Variants in OTOP1 observed in about 807,000 individuals in gnomAD.
OTOP1 encodes the protein otopetrin 1, also known as proton channel OTOP1.
Under a neutral mutation model 52.9 loss-of-function variants are expected in OTOP1, and 59 were observed. The observed-to-expected ratio is 1.12, with a 90% CI of 0.91 to 1.39. The LOEUF (loss-of-function observed/expected upper bound fraction) is 1.39. OTOP1 is among the 40% of genes most tolerant of loss of function. The probability of loss-of-function intolerance (pLI) is 0.00; values close to 1 mark genes in which losing one functional copy is unlikely to be tolerated. For synonymous variants in OTOP1, 317 were observed against 337.7 expected (o/e 0.94, Z 0.67); for missense variants, 761 against 800.9 (o/e 0.95, Z 0.60).
At position 4,213,015 on chromosome 4, in the gene OTOP1, G is replaced by T; in HGVS notation, c.404-11C>A. ...ACAATGTGATACTACCTAAATGTGGGATGAAGGGGGAAGTGGAAACACACA... is the reference window on the plus strand; with the variant it reads ...ACAATGTGATACTACCTAAATGTGGTATGAAGGGGGAAGTGGAAACACACA... On this transcript the variant is annotated splice_polypyrimidine_tract_variant and intron_variant, in intron 1 of 5. Transcript: ENST00000296358. 2.5e-6 allele frequency: 4 copies of T among 1,612,472 alleles called. No individual in the cohort carries two copies. Among genetic ancestry groups the T allele is most frequent in the Middle Eastern group, 1.7e-4 (1 of 6,056 alleles).
chr4:4,220,822 C>G (rs1366768903), intron 1 of OTOP1, among the ~76,000 whole-genome samples: 1 of 152,028 alleles, frequency 6.6e-6, no homozygotes, highest in Non-Finnish European at 1.5e-5. Context: ...GCACCCAAAT[C>G]CCTCCTAGGA....
chr4:4,212,529 C>T (rs529419753), intron 2 of OTOP1, among the ~76,000 whole-genome samples: 12 of 152,272 alleles, frequency 7.9e-5, no homozygotes, highest in South Asian at 6.2e-4. Flanking sequence ...GTGAATTATA[C>T]GCCACGTGAA....
Position 4,188,804 on chromosome 4 carries a change from T to C in OTOP1, c.1838A>G (p.Ter613TrpextTer11). ...TCCTAGGTCTCTTGTGGACCCAGAC[T>C]ATATCTTACAATAGACCTCAAAGAG... ...ASLFEVYCKI[*>W] Residue 613 changes from the stop codon to tryptophan, a stop_lost, in exon 6 of 6, where the codon TAG (stop) becomes TGG (tryptophan). Transcript: ENST00000296358. The C allele has an allele frequency of 1.2e-6, 2 of 1,611,700 alleles. No individual in the cohort carries two copies. The highest frequency in any genetic ancestry group is 1.7e-6 in the Non-Finnish European group (2 of 1,178,764).
intron 1 of OTOP1, among the ~76,000 whole-genome samples, chr4:4,217,080 C>G (rs944962560): frequency 1.3e-5 from 2 of 152,198 alleles, no homozygotes; most frequent in African/African-American, 2.4e-5. Context: ...CTGTGGTTGA[C>G]TTGTCAAGGG....
intron 5 of OTOP1, among the ~76,000 whole-genome samples, chr4:4,195,409 G>C (rs1412411965): frequency 6.6e-6 from 1 of 152,214 alleles, no homozygotes; most frequent in Non-Finnish European, 1.5e-5. Context: ...CCATCAGAGA[G>C]GCTGGAAAGC....
Position 4,206,134 on chromosome 4 carries a change from G to C in OTOP1, c.541-4C>G, listed in dbSNP as rs1433701796. The C allele has an allele frequency of 1.3e-6, 2 of 1,597,876 alleles. No homozygotes were observed. The highest frequency in any genetic ancestry group is 1.3e-5 in the African/African-American group (1 of 74,456). On this transcript the variant is annotated splice_region_variant and splice_polypyrimidine_tract_variant and intron_variant, in intron 2 of 5. Coordinates refer to ENST00000296358, the MANE Select transcript of OTOP1 (RefSeq NM_177998.3). ...CATGCCCCCAAAGAAAATATACCTA[G>C]ATGGAAATAAAGAAAGAAAAGAAAA...
At chr4:4,223,930 A>G (rs976566579) in intron 1 of OTOP1, among the ~76,000 whole-genome samples, 6 of 151,564 alleles carry the variant, frequency 4.0e-5, no homozygotes, top group African/African-American at 1.5e-4. Flanking sequence ...GGAGAGAGGA[A>G]GAGAGGAAGG....
intron 1 of OTOP1, among the ~76,000 whole-genome samples, chr4:4,220,098 TATATA>T (rs1321398155): frequency 0.023 from 2,430 of 106,262 alleles, 202 homozygotes; most frequent in East Asian, 0.11. Flanking sequence ...TATATATATA[TATATA>T]TATTTTTTTT....
At chr4:4,193,315 G>C (rs1577174067) in intron 5 of OTOP1, among the ~76,000 whole-genome samples, 1 of 151,994 alleles carries the variant, frequency 6.6e-6, no homozygotes, top group East Asian at 1.9e-4. Context: ...GGACTTCCCT[G>C]ACCCATCTCC....
chr4:4,201,375 C>T (rs981923994), intron 4 of OTOP1, among the ~76,000 whole-genome samples: 15 of 151,498 alleles, frequency 9.9e-5, no homozygotes, highest in Non-Finnish European at 1.9e-4. Context: ...TGCAGTGAGC[C>T]GAGGTCACGC....
At chr4:4,222,743 C>T (rs1242686910) in intron 1 of OTOP1, among the ~76,000 whole-genome samples, 3 of 152,210 alleles carry the variant, frequency 2.0e-5, no homozygotes, top group South Asian at 4.1e-4. Context: ...AAGATTGTCA[C>T]GAACACCAGG....
chr4:4,199,220 T>TTGTGTGTGTG (rs151144007), intron 4 of OTOP1, among the ~76,000 whole-genome samples: 1,597 of 53,038 alleles, frequency 0.03, 194 homozygotes, highest in South Asian at 0.041. Flanking sequence ...TCAGGTAAAA[T>TTGTGTGTGTG]TGTGTGTGTG....
intron 5 of OTOP1, among the ~76,000 whole-genome samples, chr4:4,190,617 T>C (rs893724164): frequency 6.6e-5 from 10 of 152,234 alleles, no homozygotes; most frequent in African/African-American, 2.2e-4. Flanking sequence ...TTAGGTATTC[T>C]AAGTAATCTA....
chr4:4,222,816 C>T (rs150016444), intron 1 of OTOP1, among the ~76,000 whole-genome samples: 1,802 of 152,300 alleles, frequency 0.012, 27 homozygotes, highest in Non-Finnish European at 0.017. Flanking sequence ...AAACCCCAGT[C>T]CCTGTTGGGG....
intron 1 of OTOP1, among the ~76,000 whole-genome samples, chr4:4,213,425 C>A (rs1057198328): frequency 2.2e-4 from 33 of 152,174 alleles, no homozygotes; most frequent in African/African-American, 7.2e-4. Context: ...TTGCACATCA[C>A]AGGACACTAC....
chr4:4,219,696 CAAA>C (rs71169623), intron 1 of OTOP1, among the ~76,000 whole-genome samples: 1 of 124,918 alleles, frequency 8.0e-6, no homozygotes, highest in African/African-American at 3.2e-5. Flanking sequence ...GACTCTGTCT[CAAA>C]AAAAAAAAAA....
rs747269930 is a variant in OTOP1, at chr4:4,188,757, C to T, written c.*46G>A. 6.6e-7 allele frequency: 1 copy of T among 1,524,320 alleles called. No homozygotes were observed. Among genetic ancestry groups the T allele is most frequent in the South Asian group, 1.3e-5 (1 of 75,672 alleles). 94.4% of individuals were successfully genotyped at this position (1,524,320 alleles called of 1,614,324 possible). A position where few individuals can be genotyped will look rare whatever the true frequency, so the allele number is the denominator to read the frequency against. ...CAACCTGGCCACTCCTAGTTGGCTC[C>T]AATGAACTCTTGTTAGCTCACTCCT... On this transcript the variant is annotated 3_prime_UTR_variant, in exon 6 of 6. Coordinates refer to ENST00000296358, the MANE Select transcript of OTOP1 (RefSeq NM_177998.3).
In OTOP1 at chr4:4,197,673, G is replaced by A; in HGVS notation, c.1161C>T (p.Arg387=). ...CCACCAAGAGGTCCGAGTCCAGTTT[G>A]CGGGCCGGATTTTTGGACTCATCCA... is the stretch of plus-strand genomic sequence containing the variant. The part of the protein sequence containing the change: ...KSLDESKNPA[R]KLDSDLLVGT... Residue 387 remains arginine (R), a synonymous_variant, in exon 5 of 6, where the codon CGC becomes CGT. Coordinates refer to ENST00000296358, the MANE Select transcript of OTOP1 (RefSeq NM_177998.3). 1 of 1,613,724 alleles carries A rather than the reference G, an allele frequency of 6.2e-7. No homozygotes were observed. The highest frequency in any genetic ancestry group is 8.5e-7 in the Non-Finnish European group (1 of 1,179,990).
At chr4:4,202,006 A>G (rs1169520633) in intron 4 of OTOP1, among the ~76,000 whole-genome samples, 1 of 152,224 alleles carries the variant, frequency 6.6e-6, no homozygotes, top group Non-Finnish European at 1.5e-5. Context: ...AAAACTTTAA[A>G]TGAACTACAG....
Sources: allele counts gnomAD v4.1 joint callset (sites outside exome capture counted in the v4.1 genomes callset), GRCh38; gene constraint gnomAD v4.1.1; transcripts MANE v1.5; gene names NCBI Gene and HGNC (gene_info 2026-07-23, HGNC 2026-07-21).